The following UBE2QL1 variants were observed in gnomAD, a reference collection of about 807,000 sequenced individuals.
The protein encoded by UBE2QL1 is ubiquitin conjugating enzyme E2 QL1.
In UBE2QL1, 5 loss-of-function variants were observed where a neutral mutation model predicts 12.6. That is an observed-to-expected ratio of 0.40 (90% CI 0.21 to 0.83). The LOEUF is 0.83. UBE2QL1 is among the 40% of genes least tolerant of loss of function. UBE2QL1 has a pLI of 0.37. For synonymous variants in UBE2QL1, 96 were observed against 94.5 expected, an observed-to-expected ratio of 1.02 and a Z score of -0.10; for missense variants, 99 against 222.6, an observed-to-expected ratio of 0.44 and a Z score of 3.53.
chr5:6,495,085 T>C lies in UBE2QL1; in HGVS notation c.*3736T>C, dbSNP rs1734643251. Among the ~76,000 whole-genome samples the C allele has an allele frequency of 6.6e-6, 1 of 152,062 alleles. No homozygotes were observed. Among genetic ancestry groups the C allele is most frequent in the Admixed American group, 6.6e-5 (1 of 15,266 alleles). On this transcript the variant is annotated 3_prime_UTR_variant, in exon 2 of 2. Coordinates refer to ENST00000399816, the MANE Select transcript of UBE2QL1 (RefSeq NM_001145161.3). Reference sequence around the variant, plus strand: ...GCAAAGGGAAGGAGAAGGGCAGGTGTAGCAGGTGTAGAAATGGGAGGGGCT... The same window carrying C: ...GCAAAGGGAAGGAGAAGGGCAGGTGCAGCAGGTGTAGAAATGGGAGGGGCT...
intron 1 of UBE2QL1, among the ~76,000 whole-genome samples, chr5:6,452,525 A>G (rs1739431274): frequency 6.6e-6 from 1 of 152,224 alleles, no homozygotes; most frequent in Admixed American, 6.5e-5. Context: ...TGTTAAAAGT[A>G]TACTTTTAGA....
chr5:6,466,653 C>A lies in UBE2QL1; in HGVS notation c.354+17406C>A, dbSNP rs552207962. Among the ~76,000 whole-genome samples, 5 of 152,348 alleles carry A rather than the reference C, an allele frequency of 3.3e-5. No individual in the cohort carries two copies. The South Asian group carries it at 1.0e-3, about 32-fold the overall frequency. On this transcript the variant is annotated intron_variant, in intron 1 of 1. Transcript: ENST00000399816. ...AGAAAGACGAAGGGTGTGGAGTGCA[C>A]CTTAACTGCAGTGTCAGGAAAGTGG...
rs2126384480 is a variant in UBE2QL1 at position 6,496,380 on chromosome 5, G to A, written c.*5031G>A. Among the ~76,000 whole-genome samples the A allele has an allele frequency of 6.6e-6, 1 of 152,292 alleles. No individual in the cohort carries two copies. The highest frequency in any genetic ancestry group is 1.9e-4 in the East Asian group (1 of 5,184). ...ACCTGATGTGCTTGGTTTCATTCCT[G>A]CCTGCCTTCTCTACAACGTGACTTC... On this transcript the variant is annotated 3_prime_UTR_variant, in exon 2 of 2. Transcript: ENST00000399816.
rs139601243 is a variant in UBE2QL1, at chr5:6,460,101, T to C, written c.354+10854T>C. Among the ~76,000 whole-genome samples the C allele has an allele frequency of 9.9e-5, 15 of 152,182 alleles. No homozygotes were observed. The East Asian group carries it at 2.9e-3, about 29-fold the overall frequency. On this transcript the variant is annotated intron_variant, in intron 1 of 1. Coordinates refer to ENST00000399816, the MANE Select transcript of UBE2QL1 (RefSeq NM_001145161.3). Reference sequence around the variant, plus strand: ...TCAGTTCTCTGGTGTTATTGGTGGGTGGGGCTGGGATAAAGCTGGAGATCT... The same window carrying C: ...TCAGTTCTCTGGTGTTATTGGTGGGCGGGGCTGGGATAAAGCTGGAGATCT...
At position 6,479,011 on chromosome 5, in the gene UBE2QL1, T is replaced by C. The variant is rs1437231113; in HGVS notation, c.355-12207T>C. On this transcript the variant is annotated intron_variant, in intron 1 of 1. Coordinates refer to ENST00000399816, the MANE Select transcript of UBE2QL1 (RefSeq NM_001145161.3). The surrounding 1 kb of genome is among the most constrained non-coding windows in gnomAD (Gnocchi z 4.2). ...GGCCTCATGACAGAGCTGCCTGCCC[T>C]GGGGGCGTCCCTTCTATCGTGTGCA... Among the ~76,000 whole-genome samples the C allele has an allele frequency of 6.6e-6, 1 of 152,088 alleles. No individual in the cohort carries two copies. The highest frequency in any genetic ancestry group is 1.5e-5 in the Non-Finnish European group (1 of 68,024).
chr5:6,472,496 T>C (rs552904329), intron 1 of UBE2QL1, among the ~76,000 whole-genome samples: 1 of 152,162 alleles, frequency 6.6e-6, no homozygotes, highest in Non-Finnish European at 1.5e-5. Flanking sequence ...CCTAGAGGCA[T>C]CTAACTGCTG....
intron 1 of UBE2QL1, among the ~76,000 whole-genome samples, chr5:6,452,405 C>T (rs1739428817): frequency 6.6e-6 from 1 of 152,020 alleles, no homozygotes; most frequent in African/African-American, 2.4e-5. Flanking sequence ...CATATCTTCC[C>T]CCTTTGTCTA....
intron 1 of UBE2QL1, among the ~76,000 whole-genome samples, chr5:6,461,542 CA>C (rs142078811): frequency 0.22 from 18,526 of 86,096 alleles, 4,842 homozygotes; most frequent in East Asian, 0.69. Context: ...CAGCACCCAC[CA>C]CCCCCCCCCG....
At chr5:6,468,504 C>T (rs927282256) in intron 1 of UBE2QL1, among the ~76,000 whole-genome samples, 7 of 152,140 alleles carry the variant, frequency 4.6e-5, no homozygotes, top group Admixed American at 2.0e-4. Context: ...TTCAAACAGC[C>T]GCCTGGAGCA....
At position 6,484,707 on chromosome 5, in the gene UBE2QL1, G is replaced by A. The variant is rs187465009; in HGVS notation, c.355-6511G>A. Among the ~76,000 whole-genome samples the A allele has an allele frequency of 8.6e-5, 13 of 151,992 alleles. No individual in the cohort carries two copies. The East Asian group carries it at 1.8e-3, about 21-fold the overall frequency. On this transcript the variant is annotated intron_variant, in intron 1 of 1. Transcript: ENST00000399816. ...AAAACCTCAACATGACCTCACTGGC[G>A]GCTCATCAGCTCCAACAGCATGTTC...
chr5:6,452,750 G>A (rs1229039152), intron 1 of UBE2QL1, among the ~76,000 whole-genome samples: 2 of 152,188 alleles, frequency 1.3e-5, no homozygotes, highest in Non-Finnish European at 2.9e-5. Flanking sequence ...TCAGCATTGG[G>A]GAATGCTGGC....
rs58222802 is a variant in UBE2QL1 at position 6,488,640 on chromosome 5, A to T, written c.355-2578A>T. Among the ~76,000 whole-genome samples the T allele has an allele frequency of 3.7e-3, 554 of 151,718 alleles. 4 individuals are homozygous for T. Among genetic ancestry groups the T allele is most frequent in the African/African-American group, 0.013 (527 of 41,358 alleles). On this transcript the variant is annotated intron_variant, in intron 1 of 1. Coordinates refer to ENST00000399816, the MANE Select transcript of UBE2QL1 (RefSeq NM_001145161.3). ...AACGATACCCTGTCTCTATAAAAAAAATTTTTTTAACTGGCTGTATGTGGT... is the reference window on the plus strand; with the variant it reads ...AACGATACCCTGTCTCTATAAAAAATATTTTTTTAACTGGCTGTATGTGGT...
chr5:6,452,962 G>T (rs1267913645), intron 1 of UBE2QL1, among the ~76,000 whole-genome samples: 2 of 152,144 alleles, frequency 1.3e-5, no homozygotes, highest in Non-Finnish European at 1.5e-5. Context: ...ATTAGGCATC[G>T]CCAGGGGCAG....
At position 6,496,437 on chromosome 5, in the gene UBE2QL1, G is replaced by A. The variant is rs1321912678; in HGVS notation, c.*5088G>A. ...TGAATGTGGTTGCCATTATGACAGT[G>A]CTAGGATGCTGATCTGTACACCATG... On this transcript the variant is annotated 3_prime_UTR_variant, in exon 2 of 2. Transcript: ENST00000399816. Among the ~76,000 whole-genome samples, 1 of 152,160 alleles carries A rather than the reference G, an allele frequency of 6.6e-6. No individual in the cohort carries two copies. The highest frequency in any genetic ancestry group is 1.5e-5 in the Non-Finnish European group (1 of 68,038).
At chr5:6,468,260 C>T (rs907816286) in intron 1 of UBE2QL1, among the ~76,000 whole-genome samples, 6 of 152,170 alleles carry the variant, frequency 3.9e-5, no homozygotes, top group African/African-American at 1.2e-4. Flanking sequence ...TGTTCCCTCG[C>T]TCTGGTTTGG....
Position 6,479,329 on chromosome 5 carries a change from C to T in UBE2QL1, c.355-11889C>T, listed in dbSNP as rs1560934847. The stretch of plus-strand genomic sequence containing the variant: ...CAACTGTGCAGGGAAAAGAGCTGGC[C>T]GGATTGTGATCTAAGAGGTCAAGTT... On this transcript the variant is annotated intron_variant, in intron 1 of 1. Coordinates refer to ENST00000399816, the MANE Select transcript of UBE2QL1 (RefSeq NM_001145161.3). This position sits in a 1 kb window ranked among gnomAD's most constrained non-coding sequence, Gnocchi z 4.2. 6.6e-6 allele frequency among the ~76,000 whole-genome samples: 1 copy of T among 151,956 alleles called. No homozygotes were observed. The highest frequency in any genetic ancestry group is 1.5e-5 in the Non-Finnish European group (1 of 68,022).
In UBE2QL1 at chr5:6,455,049, T is replaced by A. The variant is rs946593088; in HGVS notation, c.354+5802T>A. Among the ~76,000 whole-genome samples the A allele has an allele frequency of 6.6e-5, 10 of 152,216 alleles. 1 individual carries two copies. ...TGGGGCAGCTCCTGGTAGAAGCTAC[T>A]TTTACTTCACCATGAGACTTTGAGA... is the stretch of plus-strand genomic sequence containing the variant. On this transcript the variant is annotated intron_variant, in intron 1 of 1. Coordinates refer to ENST00000399816, the MANE Select transcript of UBE2QL1 (RefSeq NM_001145161.3).
intron 1 of UBE2QL1, among the ~76,000 whole-genome samples, chr5:6,482,753 G>C (rs1560935836): frequency 6.6e-6 from 1 of 152,194 alleles, no homozygotes. Flanking sequence ...GGCTGGGAAC[G>C]ACCCAGGGAG....
intron 1 of UBE2QL1, among the ~76,000 whole-genome samples, chr5:6,461,540 A>ACCCCCCCCCCCCCCCCCCCCCCCCCCC (rs71606052): frequency 2.1e-5 from 1 of 46,772 alleles, no homozygotes; most frequent in Non-Finnish European, 4.8e-5. Flanking sequence ...TTCAGCACCC[A>ACCCCCCCCCCCCCCCCCCCCCCCCCCC]CCACCCCCCC....
Sources: allele counts gnomAD v4.1 joint callset (sites outside exome capture counted in the v4.1 genomes callset), GRCh38; gene constraint gnomAD v4.1.1; non-coding constraint Gnocchi (gnomAD v3.1); transcripts MANE v1.5; gene names NCBI Gene and HGNC (gene_info 2026-07-23, HGNC 2026-07-21).